The following CFAP206 variants were observed in gnomAD, a reference collection of about 807,000 sequenced individuals.
CFAP206 encodes cilia and flagella associated protein 206.
Under a neutral mutation model 65.4 loss-of-function variants are expected in CFAP206, and 53 were observed. The ratio of observed to expected loss-of-function variants is 0.81; its 90% CI spans 0.65 to 1.02. CFAP206 has a LOEUF of 1.02. Among genes scored for constraint, CFAP206 ranks in the 50% least tolerant of loss-of-function variants. CFAP206 has a pLI of 0.00. For synonymous variants in CFAP206, 250 were observed against 254.4 expected (o/e 0.98, Z 0.17); for missense variants, 663 against 753.2 (o/e 0.88, Z 1.40).
chr6:87,442,440 T>C (rs2127954372), intron 11 of CFAP206, among the ~76,000 whole-genome samples: 1 of 152,244 alleles, frequency 6.6e-6, no homozygotes, highest in African/African-American at 2.4e-5. Flanking sequence ...CTAGCTAATG[T>C]TGCAGTACGT....
chr6:87,451,492 C>A (rs1050589446), intron 11 of CFAP206, among the ~76,000 whole-genome samples: 3 of 152,054 alleles, frequency 2.0e-5, no homozygotes, highest in African/African-American at 7.2e-5. Flanking sequence ...GACCAAAGAG[C>A]CCTTGGGTCT....
At chr6:87,410,520 A>G in intron 2 of CFAP206, 65 bp from the exon 3 acceptor site, 5 of 1,169,444 alleles carry the variant, frequency 4.3e-6, no homozygotes, top group East Asian at 2.3e-5. Context: ...TAAGCTAATA[A>G]TATGAAATAA....
intron 11 of CFAP206, among the ~76,000 whole-genome samples, chr6:87,447,705 G>A (rs1415592043): frequency 1.3e-5 from 2 of 152,080 alleles, no homozygotes; most frequent in Non-Finnish European, 2.9e-5. Context: ...AATGAGTTAG[G>A]GAGCAGTCTT....
chr6:87,464,035 A>G lies in CFAP206; in HGVS notation c.1654A>G (p.Lys552Glu), dbSNP rs776159500. The change falls in exon 13 of 13, where the codon AAA becomes GAA. Residue 552 changes from lysine (K) to glutamate (E), a missense_variant. Lys to Glu is a moderately conservative substitution (Grantham distance 56). Transcript: ENST00000369562. ...KAIKLANLRQ[K>E]VTHSVQTDLS... ...TTCTCTTTAGGCTAATTTGCGCCAGAAAGTTACTCACTCAGTACAAACTGA... is the reference window on the plus strand; with the variant it reads ...TTCTCTTTAGGCTAATTTGCGCCAGGAAGTTACTCACTCAGTACAAACTGA... 21 of 1,610,516 alleles carry G rather than the reference A, an allele frequency of 1.3e-5. No homozygotes were observed. In the South Asian group the frequency reaches 2.2e-4, roughly 17 times the overall value.
chr6:87,427,549 G>A (rs145791818), intron 8 of CFAP206, among the ~76,000 whole-genome samples: 91 of 152,306 alleles, frequency 6.0e-4, no homozygotes, highest in African/African-American at 2.0e-3. Flanking sequence ...TAACTTAGAT[G>A]TGGGGCCTTA....
At chr6:87,438,290 G>C (rs1291076378) in intron 11 of CFAP206, among the ~76,000 whole-genome samples, 1 of 151,816 alleles carries the variant, frequency 6.6e-6, no homozygotes, top group African/African-American at 2.4e-5. Flanking sequence ...GTGAAAATCT[G>C]TCTCTACTAA....
rs558302107 is a variant in CFAP206, at chr6:87,459,766, G to A, written c.1495-1256G>A. Among the ~76,000 whole-genome samples, 40 of 152,252 alleles carry A rather than the reference G, an allele frequency of 2.6e-4. No individual in the cohort carries two copies. In the East Asian group the frequency reaches 3.1e-3, roughly 12 times the overall value. On this transcript the variant is annotated intron_variant, in intron 11 of 12. Transcript: ENST00000369562. ...CTTACAGAGTTGTAAGATACCCCAA[G>A]GACAGTGAAAGGCTAGAATCAGACG...
chr6:87,447,368 C>G (rs926314613), intron 11 of CFAP206, among the ~76,000 whole-genome samples: 1 of 152,026 alleles, frequency 6.6e-6, no homozygotes, highest in Non-Finnish European at 1.5e-5. Flanking sequence ...CCATCAATAC[C>G]TAGTTGATTG....
intron 11 of CFAP206, 79 bp from the exon 12 acceptor site, chr6:87,460,943 G>GTTGACGCC (rs1182978988): frequency 5.4e-6 from 7 of 1,288,194 alleles, no homozygotes; most frequent in Non-Finnish European, 7.4e-6. Context: ...TGTTTTGTTA[G>GTTGACGCC]TTTTAGCTAA....
intron 11 of CFAP206, among the ~76,000 whole-genome samples, chr6:87,440,996 A>G: frequency 6.6e-6 from 1 of 152,338 alleles, no homozygotes; most frequent in East Asian, 1.9e-4. Context: ...TATAGTATGT[A>G]GCTCTTTGAT....
At chr6:87,452,509 A>G (rs902046551) in intron 11 of CFAP206, among the ~76,000 whole-genome samples, 1 of 152,188 alleles carries the variant, frequency 6.6e-6, no homozygotes, top group African/African-American at 2.4e-5. Flanking sequence ...CCAATTCTGG[A>G]GTGACAGAGA....
chr6:87,446,681 C>T (rs1768446013), intron 11 of CFAP206, among the ~76,000 whole-genome samples: 2 of 152,056 alleles, frequency 1.3e-5, no homozygotes, highest in Non-Finnish European at 2.9e-5. Flanking sequence ...TATATGGGCT[C>T]TTTTTTGGCT....
At chr6:87,451,592 T>A (rs1205191212) in intron 11 of CFAP206, among the ~76,000 whole-genome samples, 1 of 151,376 alleles carries the variant, frequency 6.6e-6, no homozygotes, top group Non-Finnish European at 1.5e-5. Flanking sequence ...ATCCAGCACA[T>A]TCATAGCTGT....
chr6:87,442,876 C>CT (rs1330818258), intron 11 of CFAP206, among the ~76,000 whole-genome samples: 2 of 152,046 alleles, frequency 1.3e-5, no homozygotes, highest in Non-Finnish European at 2.9e-5. Flanking sequence ...TTGAATTCAG[C>CT]TTTTTAATTT....
chr6:87,452,122 G>A (rs1422902191), intron 11 of CFAP206, among the ~76,000 whole-genome samples: 1 of 152,194 alleles, frequency 6.6e-6, no homozygotes, highest in Non-Finnish European at 1.5e-5. Context: ...CATGGGGAGA[G>A]AGATTTTGTT....
intron 11 of CFAP206, among the ~76,000 whole-genome samples, chr6:87,455,081 G>C (rs12528691): frequency 0.29 from 43,592 of 151,082 alleles, 6,431 homozygotes; most frequent in Admixed American, 0.38. Context: ...CACCACCATG[G>C]TCAGCTAATT....
At chr6:87,421,991 G>C (rs182743927) in intron 7 of CFAP206, among the ~76,000 whole-genome samples, 2 of 152,106 alleles carry the variant, frequency 1.3e-5, no homozygotes, top group Non-Finnish European at 2.9e-5. Flanking sequence ...AAAATTGTCC[G>C]TGGAAGAAAG....
chr6:87,428,783 C>A lies in CFAP206; in HGVS notation c.1118C>A (p.Ala373Glu), dbSNP rs745368981. 1.2e-6 allele frequency: 2 copies of A among 1,614,000 alleles called. No individual in the cohort carries two copies. ...ERVMQCHLNG[A>E]TVKTDVCRMK... ...GTGATGCAATGTCATCTTAATGGAG[C>A]GACTGTGAAAACTGATGTGTGTAGA... is the stretch of plus-strand genomic sequence containing the variant. Residue 373 changes from alanine to glutamate, a missense_variant, in exon 9 of 13, where the codon GCG becomes GAG. Transcript: ENST00000369562.
At chr6:87,420,111 C>G (rs1220972943) in intron 7 of CFAP206, among the ~76,000 whole-genome samples, 1 of 152,036 alleles carries the variant, frequency 6.6e-6, no homozygotes, top group Non-Finnish European at 1.5e-5. Flanking sequence ...TAATAAAAAC[C>G]AAGTCACACT....
Sources: gnomAD v4.1 joint callset for allele counts (sites outside exome capture counted in the v4.1 genomes callset) on GRCh38, gnomAD v4.1.1 for gene constraint, MANE v1.5 for transcripts, NCBI Gene and HGNC (gene_info 2026-07-23, HGNC 2026-07-21) for gene names.